Variants in UNC13B observed in about 807,000 individuals in gnomAD.
UNC13B encodes protein unc-13 homolog B.
A neutral mutation model predicts 211.0 loss-of-function variants in UNC13B; 144 were observed. The ratio of observed to expected loss-of-function variants is 0.68; its 90% confidence interval spans 0.60 to 0.78. The LOEUF (loss-of-function observed/expected upper bound fraction) is 0.78, where lower values mean the gene tolerates loss of function less well. UNC13B is among the 30% of genes least tolerant of loss of function. The pLI, the probability that UNC13B is intolerant of heterozygous loss-of-function variation, is 0.00. For synonymous variants in UNC13B, 709 were observed against 725.8 expected, an observed-to-expected ratio of 0.98 and a Z score of 0.37; for missense variants, 1,777 against 2,002.0, an observed-to-expected ratio of 0.89 and a Z score of 2.14.
In UNC13B at chr9:35,397,257, C is replaced by T. The variant is rs754475764; in HGVS notation, c.11623C>T (p.Leu3875=). 1.2e-6 allele frequency: 2 copies of T among 1,614,190 alleles called. No homozygotes were observed. Among genetic ancestry groups the T allele is most frequent in the South Asian group, 1.1e-5 (1 of 91,076 alleles). The change falls in exon 29 of 40, where the codon CTG becomes TTG. Residue 3875 remains leucine, a synonymous_variant. Transcript: ENST00000635942. ...TCAGAGCTTTGAGATCATCCGGAAG[C>T]TGGAATGCCCAGACCCCAGCATCCT... ...LNQSFEIIRK[L]ECPDPSILAH...
chr9:35,313,787 G>A, intron 10 of UNC13B, 112 bp from the exon 11 acceptor site: 1 of 776,998 alleles, frequency 1.3e-6, no homozygotes, highest in Non-Finnish European at 2.2e-6. Flanking sequence ...CTAAATAAGT[G>A]TAGGCATGAG....
At chr9:35,163,606 C>T (rs1355605567) in intron 1 of UNC13B, among the ~76,000 whole-genome samples, 1 of 152,190 alleles carries the variant, frequency 6.6e-6, no homozygotes, top group Non-Finnish European at 1.5e-5. Flanking sequence ...AGAGGTTGGA[C>T]TTTGCTGTGT....
intron 6 of UNC13B, among the ~76,000 whole-genome samples, chr9:35,248,370 T>A (rs527365760): frequency 5.7e-4 from 86 of 152,180 alleles, no homozygotes; most frequent in South Asian, 1.7e-3. Flanking sequence ...TTCTGCTCTG[T>A]TCTTAGTTAT....
intron 11 of UNC13B, chr9:35,341,950 G>A (rs1832022818): frequency 1.0e-5 from 10 of 985,484 alleles, no homozygotes; most frequent in Non-Finnish European, 1.2e-5. Context: ...TTGAAGTTTG[G>A]CTGCTGTTGC....
chr9:35,377,672 G>A lies in UNC13B; in HGVS notation c.10040G>A (p.Trp3347Ter), dbSNP rs1242175873. ...KQSVLDGTSK[W>*]SAKITITVVC... ...AGTGTACTGGATGGCACCTCCAAATGGTCAGCCAAGATCACCATTACTGGT... is the reference window on the plus strand; with the variant it reads ...AGTGTACTGGATGGCACCTCCAAATAGTCAGCCAAGATCACCATTACTGGT... The change falls in exon 16 of 40, where the codon TGG (tryptophan) becomes TAG (stop). Residue 3347 changes from tryptophan to a stop codon, truncating the protein, a stop_gained. Coordinates refer to ENST00000635942, the MANE Select transcript of UNC13B (RefSeq NM_001371189.2). LOFTEE classifies it high-confidence loss of function. 6.2e-7 allele frequency: 1 copy of A among 1,613,934 alleles called. No homozygotes were observed. The highest frequency in any genetic ancestry group is 2.2e-5 in the East Asian group (1 of 44,892).
rs149936367 is a variant in UNC13B at position 35,192,718 on chromosome 9, G to T, written c.22+30413G>T. ...GGTTGATTTTGTAACACCTGCAAAG[G>T]TCTAGTAAGGCCATGCCCTTGTGCA... On this transcript the variant is annotated intron_variant, in intron 1 of 39. Coordinates refer to ENST00000635942, the MANE Select transcript of UNC13B (RefSeq NM_001371189.2). Among the ~76,000 whole-genome samples the T allele has an allele frequency of 2.0e-4, 31 of 152,304 alleles. No homozygotes were observed. In the East Asian group the frequency reaches 6.0e-3, roughly 29 times the overall value.
intron 11 of UNC13B, among the ~76,000 whole-genome samples, chr9:35,316,695 A>G (rs1830475581): frequency 6.6e-6 from 1 of 152,210 alleles, no homozygotes; most frequent in Non-Finnish European, 1.5e-5. Flanking sequence ...CGGCTGACTG[A>G]CATCAGAGAA....
rs148977415 is a variant in UNC13B at position 35,310,623 on chromosome 9, C to T, written c.9165C>T (p.Gly3055=). 6.2e-7 allele frequency: 1 copy of T among 1,613,820 alleles called. No homozygotes were observed. The highest frequency in any genetic ancestry group is 1.3e-5 in the African/African-American group (1 of 74,916). ...GCTCTCACAGCCTGTCCAGAGATGG[C>T]CAAGCAGGTTTTGGAGAACAAGAGA... ...CHSSHSLSRD[G]QAGFGEQEKP... The change falls in exon 10 of 40, where the codon GGC becomes GGT. Residue 3055 remains glycine (G), a synonymous_variant. Coordinates refer to ENST00000635942, the MANE Select transcript of UNC13B (RefSeq NM_001371189.2).
At chr9:35,364,647 A>G (rs910989206) in intron 11 of UNC13B, 97 of 1,357,246 alleles carry the variant, frequency 7.1e-5, no homozygotes, top group South Asian at 5.7e-4. Context: ...GTGTGTGTGT[A>G]TGTGTGTGTG....
At chr9:35,298,589 G>A (rs534155942) in intron 8 of UNC13B, among the ~76,000 whole-genome samples, 4 of 152,306 alleles carry the variant, frequency 2.6e-5, no homozygotes, top group South Asian at 4.1e-4. Context: ...GAAAGTGCTT[G>A]GATTACAGGT....
chr9:35,350,433 G>A (rs978662672), intron 11 of UNC13B, among the ~76,000 whole-genome samples: 1 of 152,212 alleles, frequency 6.6e-6, no homozygotes, highest in Non-Finnish European at 1.5e-5. Flanking sequence ...CAGTGTGCTG[G>A]ACAATCACTT....
chr9:35,224,673 A>G (rs1824738125), intron 1 of UNC13B, among the ~76,000 whole-genome samples: 1 of 152,172 alleles, frequency 6.6e-6, no homozygotes. Flanking sequence ...ACTAAGTTGA[A>G]TGAGAGTTGT....
chr9:35,340,185 A>G (rs1831901591), intron 11 of UNC13B, among the ~76,000 whole-genome samples: 1 of 152,164 alleles, frequency 6.6e-6, no homozygotes, highest in Non-Finnish European at 1.5e-5. Flanking sequence ...AGATGCGGTT[A>G]TAGTTGTGCT....
In UNC13B at chr9:35,162,304, C is replaced by G. The variant is rs750929931; in HGVS notation, c.21C>G (p.Arg7=). The G allele has an allele frequency of 6.5e-7, 1 of 1,543,380 alleles. No homozygotes were observed. The highest frequency in any genetic ancestry group is 8.7e-7 in the Non-Finnish European group (1 of 1,149,440). ...CGGCCATGTCACTGCTCTGCGTGCG[C>G]GGTGAGTGCGCGGACTGAGGCGGGG... is the stretch of plus-strand genomic sequence containing the variant. MSLLCV[R]VKRAKFQGSP... is the part of the protein sequence containing the mutation. The change falls in exon 1 of 40, where the codon CGC becomes CGG. Residue 7 remains arginine (R), a splice_region_variant and synonymous_variant. Coordinates refer to ENST00000635942, the MANE Select transcript of UNC13B (RefSeq NM_001371189.2).
chr9:35,258,816 C>T (rs896106885), intron 6 of UNC13B, among the ~76,000 whole-genome samples, 177 bp from the exon 7 acceptor site: 1 of 152,232 alleles, frequency 6.6e-6, no homozygotes, highest in African/African-American at 2.4e-5. Flanking sequence ...AACCAATAGT[C>T]TGGCCTATAT....
At chr9:35,227,985 C>T (rs1195008363) in intron 1 of UNC13B, 30 bp from the exon 2 acceptor site, 2 of 1,606,958 alleles carry the variant, frequency 1.2e-6, no homozygotes, top group South Asian at 1.1e-5. Context: ...TGGAAACATT[C>T]TTCATGGTAT....
Position 35,306,509 on chromosome 9 carries a change from A to G in UNC13B, c.7105A>G (p.Ser2369Gly), listed in dbSNP as rs1237806297. The change falls in exon 9 of 40, where the codon AGT becomes GGT. Residue 2369 changes from serine (S) to glycine (G), a missense_variant. Ser to Gly is a moderately conservative substitution (Grantham distance 56). Coordinates refer to ENST00000635942, the MANE Select transcript of UNC13B (RefSeq NM_001371189.2). ...GGCTTTCAACCACAAAGCCTTCCCCAGTGACTCACTGTCCAACTCTTTTTC... is the reference window on the plus strand; with the variant it reads ...GGCTTTCAACCACAAAGCCTTCCCCGGTGACTCACTGTCCAACTCTTTTTC... ...EEAFNHKAFP[S>G]DSLSNSFSHA... 1.3e-5 allele frequency: 5 copies of G among 398,952 alleles called. No homozygotes were observed. The highest frequency in any genetic ancestry group is 1.0e-4 in the African/African-American group (5 of 48,642). The allele number at this position is 398,952 out of a possible 1,614,324, so 24.7% of individuals were successfully genotyped here.
Position 35,399,454 on chromosome 9 carries a change from C to G in UNC13B, c.12255+6C>G. Reference sequence around the variant, plus strand: ...GCCATCTTTCCAAACTCAAGGTACTCTGGGTGTGGGGTCCTCCTGGCAGGT... The same window carrying G: ...GCCATCTTTCCAAACTCAAGGTACTGTGGGTGTGGGGTCCTCCTGGCAGGT... On this transcript the variant is annotated splice_donor_region_variant and intron_variant, in intron 35 of 39. Coordinates refer to ENST00000635942, the MANE Select transcript of UNC13B (RefSeq NM_001371189.2). The G allele has an allele frequency of 6.2e-7, 1 of 1,614,120 alleles. No individual in the cohort carries two copies. The highest frequency in any genetic ancestry group is 8.5e-7 in the Non-Finnish European group (1 of 1,180,014).
chr9:35,218,844 G>C (rs1289910816), intron 1 of UNC13B, among the ~76,000 whole-genome samples: 1 of 151,840 alleles, frequency 6.6e-6, no homozygotes, highest in African/African-American at 2.4e-5. Flanking sequence ...CTGCTTCCCG[G>C]GTTCAAGTGA....
Sources: gnomAD v4.1 joint callset for allele counts (sites outside exome capture counted in the v4.1 genomes callset) on GRCh38, gnomAD v4.1.1 for gene constraint, MANE v1.5 for transcripts, NCBI Gene and HGNC (gene_info 2026-07-23, HGNC 2026-07-21) for gene names.